GAP43: variants seen among roughly 807,000 people sequenced by gnomAD.
GAP43 encodes growth associated protein 43, also known as neuromodulin.
GAP43 carries 6 observed loss-of-function variants against 18.6 expected under a neutral mutation model. The ratio of observed to expected loss-of-function variants is 0.32; its 90% confidence interval spans 0.18 to 0.64. The LOEUF is 0.64. Ranked by LOEUF, GAP43 falls within the 30% of genes least tolerant of loss-of-function variation. The probability of loss-of-function intolerance (pLI) is 0.78; values close to 1 mark genes in which losing one functional copy is unlikely to be tolerated. For missense variants in GAP43, 292 were observed against 295.5 expected (o/e 0.99, Z 0.09); for synonymous variants, 115 against 111.4 (o/e 1.03, Z -0.20).
chr3:115,647,234 A>G (rs1708468077), intron 1 of GAP43, among the ~76,000 whole-genome samples: 1 of 152,046 alleles, frequency 6.6e-6, no homozygotes, highest in African/African-American at 2.4e-5. Context: ...TCTATTATAC[A>G]GAAGGCAGGC....
At chr3:115,659,009 A>G (rs1469113854) in intron 1 of GAP43, 2 of 152,480 alleles carry the variant, frequency 1.3e-5, no homozygotes, top group Admixed American at 6.5e-5. Flanking sequence ...AGCTGGGTCA[A>G]TTGGAAGTAA....
chr3:115,671,468 G>A lies in GAP43; in HGVS notation c.31-4545G>A, dbSNP rs570088386. Among the ~76,000 whole-genome samples the A allele has an allele frequency of 5.3e-5, 8 of 152,230 alleles. No individual in the cohort carries two copies. The South Asian group carries it at 1.7e-3, about 32-fold the overall frequency. The stretch of plus-strand genomic sequence containing the variant: ...TTTTAATGTTTGTTTAAAAAGTAGG[G>A]ATGTCCTACACCTTGGTTTCCTTTA... On this transcript the variant is annotated intron_variant, in intron 1 of 2. Coordinates refer to ENST00000305124, the MANE Select transcript of GAP43 (RefSeq NM_002045.4).
At chr3:115,651,719 T>A (rs985510881) in intron 1 of GAP43, among the ~76,000 whole-genome samples, 3 of 152,288 alleles carry the variant, frequency 2.0e-5, no homozygotes, top group African/African-American at 7.2e-5. Flanking sequence ...TGTAATCTGT[T>A]CTTCCCTCCC....
chr3:115,647,173 A>G (rs2107473261), intron 1 of GAP43, among the ~76,000 whole-genome samples: 1 of 87,962 alleles, frequency 1.1e-5, no homozygotes, highest in East Asian at 3.5e-4. Flanking sequence ...GAGACCCCAT[A>G]GAGCTTCCTT....
Position 115,691,658 on chromosome 3 carries a change from G to A in GAP43, c.628+15048G>A, listed in dbSNP as rs564484195. Among the ~76,000 whole-genome samples the A allele has an allele frequency of 6.6e-5, 10 of 152,266 alleles. 1 individual carries two copies. In the South Asian group the frequency reaches 1.2e-3, roughly 19 times the overall value. On this transcript the variant is annotated intron_variant, in intron 2 of 2. Transcript: ENST00000305124. ...ACGTGCAAATAGGACATGATTTATG[G>A]CCAGCAAGAGAGACACATAATGATT...
At chr3:115,697,318 A>G (rs914203558) in intron 2 of GAP43, among the ~76,000 whole-genome samples, 2 of 152,198 alleles carry the variant, frequency 1.3e-5, no homozygotes, top group Non-Finnish European at 2.9e-5. Flanking sequence ...AATTCATTCA[A>G]TGAGTGAAGA....
chr3:115,668,513 C>T (rs920738447), intron 1 of GAP43, among the ~76,000 whole-genome samples: 15 of 152,300 alleles, frequency 9.8e-5, no homozygotes, highest in African/African-American at 3.1e-4. Flanking sequence ...CAACCTCCGC[C>T]TCCTGGGTTC....
chr3:115,638,768 A>C (rs954996505), intron 1 of GAP43, among the ~76,000 whole-genome samples: 2 of 151,476 alleles, frequency 1.3e-5, no homozygotes, highest in African/African-American at 4.9e-5. Context: ...TTTCCTGTTT[A>C]TTTCCGTGAT....
At chr3:115,719,268 G>GAA (rs34600347) in intron 2 of GAP43, among the ~76,000 whole-genome samples, 1 of 148,700 alleles carries the variant, frequency 6.7e-6, no homozygotes, top group East Asian at 2.0e-4. Flanking sequence ...AGGGATTGAG[G>GAA]AAAAAAAAAA....
chr3:115,672,769 C>CTCTCT (rs1708830728), intron 1 of GAP43, among the ~76,000 whole-genome samples: 1 of 149,790 alleles, frequency 6.7e-6, no homozygotes, highest in South Asian at 2.1e-4. Context: ...CTCTCCTCTC[C>CTCTCT]TTTCCTTTCC....
chr3:115,677,491 T>G (rs936787357), intron 2 of GAP43, among the ~76,000 whole-genome samples: 3 of 152,202 alleles, frequency 2.0e-5, no homozygotes, highest in African/African-American at 7.2e-5. Context: ...CAGAGCAAGA[T>G]AAATTCAACA....
At chr3:115,652,349 C>G in intron 1 of GAP43, among the ~76,000 whole-genome samples, 1 of 130,430 alleles carries the variant, frequency 7.7e-6, no homozygotes, top group African/African-American at 2.9e-5. Flanking sequence ...GATTCTTATC[C>G]AGCATTCTTT....
intron 2 of GAP43, among the ~76,000 whole-genome samples, chr3:115,708,895 T>A (rs192151480): frequency 1.6e-4 from 24 of 149,522 alleles, no homozygotes; most frequent in Non-Finnish European, 3.4e-4. Context: ...TTGTAGAATA[T>A]TTGAGTGGCA....
intron 2 of GAP43, among the ~76,000 whole-genome samples, chr3:115,708,611 C>A (rs1025102923): frequency 6.6e-6 from 1 of 152,162 alleles, no homozygotes; most frequent in African/African-American, 2.4e-5. Flanking sequence ...AGCTCTGAAG[C>A]ACAAACTGCA....
intron 2 of GAP43, among the ~76,000 whole-genome samples, chr3:115,698,009 G>A (rs868213090): frequency 3.0e-5 from 3 of 99,608 alleles, no homozygotes; most frequent in African/African-American, 4.5e-5. Flanking sequence ...GTGTGTGTGT[G>A]TATAAAATAT....
chr3:115,673,790 G>A (rs1708842741), intron 1 of GAP43, among the ~76,000 whole-genome samples: 1 of 152,192 alleles, frequency 6.6e-6, no homozygotes, highest in Non-Finnish European at 1.5e-5. Context: ...AGCAGTGGAG[G>A]AGGGAGAAGG....
chr3:115,634,544 G>A (rs999424051), intron 1 of GAP43, among the ~76,000 whole-genome samples: 2 of 152,042 alleles, frequency 1.3e-5, no homozygotes, highest in Non-Finnish European at 2.9e-5. Flanking sequence ...GGGAGGCTGA[G>A]GCTGGAAGAT....
At chr3:115,654,471 C>CT (rs894077341) in intron 1 of GAP43, among the ~76,000 whole-genome samples, 6 of 152,026 alleles carry the variant, frequency 3.9e-5, no homozygotes, top group Non-Finnish European at 5.9e-5. Flanking sequence ...TCTTAGCAGT[C>CT]TTTTTTTTAA....
intron 2 of GAP43, among the ~76,000 whole-genome samples, chr3:115,681,931 G>A (rs1168417733): frequency 6.6e-6 from 1 of 152,166 alleles, no homozygotes; most frequent in Non-Finnish European, 1.5e-5. Flanking sequence ...GTCACATGCT[G>A]AACCCTGACA....
Sources: gnomAD v4.1 joint callset for allele counts (sites outside exome capture counted in the v4.1 genomes callset) on GRCh38, gnomAD v4.1.1 for gene constraint, MANE v1.5 for transcripts, NCBI Gene and HGNC (gene_info 2026-07-23, HGNC 2026-07-21) for gene names.